ASXL3: variants seen among roughly 807,000 people sequenced by gnomAD.
ASXL3 encodes ASXL transcriptional regulator 3.
A neutral mutation model predicts 170.6 loss-of-function variants in ASXL3; 34 were observed. That is an observed-to-expected ratio of 0.20 (90% CI 0.15 to 0.27). The LOEUF is 0.27. ASXL3 is among the 10% of genes least tolerant of loss of function. ASXL3 has a pLI of 1.00. For missense variants in ASXL3, 2,592 were observed against 2,695.3 expected, an observed-to-expected ratio of 0.96 and a Z score of 0.85; for synonymous variants, 1,002 against 989.1, an observed-to-expected ratio of 1.01 and a Z score of -0.24.
chr18:33,673,373 ATTTT>A (rs150226666), intron 7 of ASXL3, among the ~76,000 whole-genome samples: 28 of 138,674 alleles, frequency 2.0e-4, no homozygotes, highest in East Asian at 4.3e-4. Context: ...GATCTTCAGT[ATTTT>A]TTTTTTTTTT....
chr18:33,607,191 A>G (rs2065263182), intron 1 of ASXL3, among the ~76,000 whole-genome samples: 1 of 151,928 alleles, frequency 6.6e-6, no homozygotes, highest in South Asian at 2.1e-4. Context: ...GTTCTCTTCT[A>G]TTGGTAGTAT....
chr18:33,719,714 CTCTTA>C (rs755311264), intron 8 of ASXL3, among the ~76,000 whole-genome samples: 2 of 151,928 alleles, frequency 1.3e-5, no homozygotes, highest in African/African-American at 4.8e-5. Flanking sequence ...GGGATTAGTT[CTCTTA>C]TAAGAAACCC....
chr18:33,675,705 T>C (rs1266826175), intron 7 of ASXL3, among the ~76,000 whole-genome samples: 2 of 152,030 alleles, frequency 1.3e-5, no homozygotes, highest in African/African-American at 4.8e-5. Context: ...AAGGCCTGAG[T>C]TTCACTTGGG....
chr18:33,672,911 A>T (rs1438490974), intron 7 of ASXL3, among the ~76,000 whole-genome samples: 1 of 152,172 alleles, frequency 6.6e-6, no homozygotes, highest in Non-Finnish European at 1.5e-5. Flanking sequence ...ACCTTTAGGA[A>T]AGCAGAATCT....
intron 2 of ASXL3, among the ~76,000 whole-genome samples, chr18:33,634,329 CTTT>C (rs879705294): frequency 7.2e-6 from 1 of 137,988 alleles, no homozygotes; most frequent in African/African-American, 2.7e-5. Flanking sequence ...ATAGTTGCTT[CTTT>C]TTTTTTTTTT....
At chr18:33,581,322 A>G (rs1430039113) in intron 1 of ASXL3, among the ~76,000 whole-genome samples, 4 of 152,264 alleles carry the variant, frequency 2.6e-5, no homozygotes, top group Admixed American at 2.6e-4. Flanking sequence ...GCCTGATTTT[A>G]AAAGTAAAGA....
At chr18:33,671,903 G>A in intron 7 of ASXL3, 37 bp downstream of exon 7, 1 of 1,463,134 alleles carries the variant, frequency 6.8e-7, no homozygotes, top group Non-Finnish European at 9.1e-7. Context: ...TCACATTTTA[G>A]AAATTTGTGT....
At chr18:33,650,960 T>A (rs978832032) in intron 4 of ASXL3, among the ~76,000 whole-genome samples, 9 of 152,122 alleles carry the variant, frequency 5.9e-5, no homozygotes, top group African/African-American at 1.9e-4. Context: ...AGTACTTTTT[T>A]ATTTTGTTTT....
chr18:33,670,927 T>G (rs536748882), intron 6 of ASXL3, 137 bp downstream of exon 6: 2 of 516,638 alleles, frequency 3.9e-6, no homozygotes, highest in African/African-American at 2.0e-5. Context: ...TTTATACCTT[T>G]GACTCAGTGA....
At chr18:33,633,527 A>G (rs1158280802) in intron 2 of ASXL3, among the ~76,000 whole-genome samples, 1 of 152,144 alleles carries the variant, frequency 6.6e-6, no homozygotes, top group Non-Finnish European at 1.5e-5. Flanking sequence ...ATTTTCCACT[A>G]TTTGTAAGCA....
In ASXL3 at chr18:33,744,820, A is replaced by G; in HGVS notation, c.4972A>G (p.Arg1658Gly). The G allele has an allele frequency of 6.2e-7, 1 of 1,614,066 alleles. No individual in the cohort carries two copies. The highest frequency in any genetic ancestry group is 8.5e-7 in the Non-Finnish European group (1 of 1,179,908). ...NYLNVSELHP[R>G]NLVTNVALPV... Reference sequence around the variant, plus strand: ...CTTGAACGTGTCAGAACTTCATCCCAGGAATCTTGTAACAAATGTTGCTCT... The same window carrying G: ...CTTGAACGTGTCAGAACTTCATCCCGGGAATCTTGTAACAAATGTTGCTCT... Residue 1658 changes from arginine (R) to glycine (G), a missense_variant, in exon 12 of 12, where the codon AGG (arginine) becomes GGG (glycine). Coordinates refer to ENST00000269197, the MANE Select transcript of ASXL3 (RefSeq NM_030632.3).
intron 1 of ASXL3, among the ~76,000 whole-genome samples, chr18:33,586,298 T>G (rs931150647): frequency 2.6e-5 from 4 of 152,060 alleles, no homozygotes; most frequent in African/African-American, 9.7e-5. Context: ...AGTCACTGTC[T>G]GGAACATCAG....
chr18:33,715,997 G>A (rs187414344), intron 8 of ASXL3, among the ~76,000 whole-genome samples: 2 of 152,294 alleles, frequency 1.3e-5, no homozygotes, highest in Admixed American at 1.3e-4. Flanking sequence ...TTGAGTGTCA[G>A]TCATGTCAAG....
chr18:33,712,624 A>G (rs2067087027), intron 8 of ASXL3, among the ~76,000 whole-genome samples: 1 of 152,228 alleles, frequency 6.6e-6, no homozygotes, highest in African/African-American at 2.4e-5. Context: ...CCCAATTTCT[A>G]TAAAATATTT....
intron 7 of ASXL3, among the ~76,000 whole-genome samples, chr18:33,679,334 T>G (rs868095009): frequency 6.6e-6 from 1 of 152,048 alleles, no homozygotes; most frequent in Admixed American, 6.5e-5. Context: ...TATGGAAAAA[T>G]ACAGATGCTA....
chr18:33,641,461 A>G (rs1031373945), intron 2 of ASXL3, among the ~76,000 whole-genome samples: 1 of 152,100 alleles, frequency 6.6e-6, no homozygotes, highest in Non-Finnish European at 1.5e-5. Flanking sequence ...AAAGGGCCCA[A>G]TTGTAGGGGA....
At chr18:33,710,457 C>T (rs1364655256) in intron 8 of ASXL3, among the ~76,000 whole-genome samples, 3 of 152,156 alleles carry the variant, frequency 2.0e-5, no homozygotes, top group Non-Finnish European at 4.4e-5. Context: ...TTCATTTTTC[C>T]ATTTGAGTTT....
chr18:33,664,033 A>T (rs931029383), intron 5 of ASXL3, among the ~76,000 whole-genome samples: 1 of 152,164 alleles, frequency 6.6e-6, no homozygotes. Flanking sequence ...ACCTAGGGCC[A>T]GCAGAATGAT....
intron 2 of ASXL3, among the ~76,000 whole-genome samples, chr18:33,613,592 A>G (rs1176773991): frequency 6.6e-6 from 1 of 152,114 alleles, no homozygotes; most frequent in African/African-American, 2.4e-5. Flanking sequence ...CAGTAGCATT[A>G]TGTATGTAAA....
Sources: gnomAD v4.1 joint callset for allele counts (sites outside exome capture counted in the v4.1 genomes callset) on GRCh38, gnomAD v4.1.1 for gene constraint, MANE v1.5 for transcripts, NCBI Gene and HGNC (gene_info 2026-07-23, HGNC 2026-07-21) for gene names.